The following MICU2 variants were observed in gnomAD, a reference collection of about 807,000 sequenced individuals.
MICU2 encodes mitochondrial calcium uptake 2.
MICU2 carries 64 observed loss-of-function variants against 60.4 expected under a neutral mutation model. The observed-to-expected ratio is 1.06, with a 90% CI of 0.87 to 1.31. The LOEUF (loss-of-function observed/expected upper bound fraction) is 1.31, where lower values mean the gene tolerates loss of function less well. Ranked by LOEUF, MICU2 falls within the 50% of genes most tolerant of loss-of-function variation. The pLI, the probability that MICU2 is intolerant of heterozygous loss-of-function variation, is 0.00. For missense variants in MICU2, 569 were observed against 531.0 expected, an observed-to-expected ratio of 1.07 and a Z score of -0.70; for synonymous variants, 201 against 175.0, an observed-to-expected ratio of 1.15 and a Z score of -1.17.
At chr13:21,592,476 T>G (rs1888604460) in intron 1 of MICU2, among the ~76,000 whole-genome samples, 1 of 148,708 alleles carries the variant, frequency 6.7e-6, no homozygotes, top group Non-Finnish European at 1.5e-5. Flanking sequence ...CTATTCCAAG[T>G]AACTGAAAAG....
chr13:21,558,322 C>T (rs1303136148), intron 2 of MICU2, among the ~76,000 whole-genome samples: 1 of 152,186 alleles, frequency 6.6e-6, no homozygotes, highest in Non-Finnish European at 1.5e-5. Flanking sequence ...TTAAGCTCCA[C>T]TAATTTGGGG....
At chr13:21,572,719 T>C (rs1393959669) in intron 1 of MICU2, among the ~76,000 whole-genome samples, 1 of 152,196 alleles carries the variant, frequency 6.6e-6, no homozygotes, top group Non-Finnish European at 1.5e-5. Flanking sequence ...TACTGTTGCA[T>C]GATTCAGCCT....
At chr13:21,588,218 C>T (rs1888501107) in intron 1 of MICU2, among the ~76,000 whole-genome samples, 1 of 152,136 alleles carries the variant, frequency 6.6e-6, no homozygotes, top group Admixed American at 6.5e-5. Context: ...CAAACTTTGG[C>T]AATTAAGACA....
chr13:21,601,915 C>T (rs1015329230), intron 1 of MICU2, among the ~76,000 whole-genome samples: 1 of 151,296 alleles, frequency 6.6e-6, no homozygotes, highest in Non-Finnish European at 1.5e-5. Flanking sequence ...ACCATCCTGG[C>T]CAACATGGTG....
chr13:21,604,087 C>T lies in MICU2; in HGVS notation c.62G>A (p.Gly21Glu). ...VAAWGGKLRR[G>E]LAVSRQAVRS... ...CACAGCCTGTCGGCTGACAGCGAGC[C>T]CCCGTCGCAGTTTTCCGCCCCAGGC... The change falls in exon 1 of 12, where the codon GGG becomes GAG. Residue 21 changes from glycine to glutamate, a missense_variant. Transcript: ENST00000382374. 6.3e-7 allele frequency: 1 copy of T among 1,596,210 alleles called. No individual in the cohort carries two copies. The highest frequency in any genetic ancestry group is 8.5e-7 in the Non-Finnish European group (1 of 1,173,040).
intron 4 of MICU2, among the ~76,000 whole-genome samples, chr13:21,532,001 C>G (rs1263810698): frequency 1.3e-5 from 2 of 152,162 alleles, no homozygotes; most frequent in East Asian, 1.9e-4. Context: ...TGACAACAAT[C>G]TAACAGGATT....
intron 6 of MICU2, among the ~76,000 whole-genome samples, chr13:21,519,120 G>A (rs944190277): frequency 2.0e-5 from 3 of 152,072 alleles, no homozygotes; most frequent in African/African-American, 4.8e-5. Context: ...GCGATGGCAC[G>A]ATCTCGGCTC....
chr13:21,549,807 C>G (rs1887508264), intron 2 of MICU2, among the ~76,000 whole-genome samples: 1 of 152,150 alleles, frequency 6.6e-6, no homozygotes, highest in South Asian at 2.1e-4. Flanking sequence ...GCTGAACAGA[C>G]TTACTTTAAC....
chr13:21,498,625 C>T (rs1316511253), intron 9 of MICU2, among the ~76,000 whole-genome samples: 8 of 151,760 alleles, frequency 5.3e-5, no homozygotes, highest in African/African-American at 9.7e-5. Context: ...GTGATTCACC[C>T]ACCTCAGCCT....
intron 6 of MICU2, among the ~76,000 whole-genome samples, chr13:21,514,945 T>C (rs1886530479): frequency 6.6e-6 from 1 of 152,290 alleles, no homozygotes; most frequent in South Asian, 2.1e-4. Context: ...AATCTTCTAC[T>C]AAGAAAGCTA....
chr13:21,575,445 G>A (rs945840290), intron 1 of MICU2, among the ~76,000 whole-genome samples: 7 of 149,496 alleles, frequency 4.7e-5, no homozygotes, highest in Non-Finnish European at 7.4e-5. Flanking sequence ...AGACTAGGCC[G>A]AGTAGGGTGG....
intron 1 of MICU2, among the ~76,000 whole-genome samples, chr13:21,590,577 G>C (rs895845304): frequency 6.6e-6 from 1 of 152,204 alleles, no homozygotes; most frequent in African/African-American, 2.4e-5. Flanking sequence ...AATGTTAAAA[G>C]GTTAGAAAAT....
intron 2 of MICU2, among the ~76,000 whole-genome samples, chr13:21,558,414 C>T (rs917836536): frequency 3.3e-5 from 5 of 152,164 alleles, no homozygotes; most frequent in African/African-American, 1.2e-4. Flanking sequence ...GTCTCTTTCC[C>T]TAGTTCTCTT....
At chr13:21,519,059 C>T (rs568303381) in intron 6 of MICU2, among the ~76,000 whole-genome samples, 5 of 152,116 alleles carry the variant, frequency 3.3e-5, no homozygotes, top group South Asian at 2.1e-4. Flanking sequence ...CTTAAGAGTT[C>T]GGTGTCTTTT....
chr13:21,501,648 C>T (rs970146922), intron 9 of MICU2, among the ~76,000 whole-genome samples: 1 of 152,164 alleles, frequency 6.6e-6, no homozygotes, highest in Non-Finnish European at 1.5e-5. Context: ...TTTCTGATTC[C>T]TGCACGTACG....
chr13:21,520,856 T>C (rs887070759), intron 6 of MICU2, among the ~76,000 whole-genome samples: 19 of 152,108 alleles, frequency 1.2e-4, no homozygotes, highest in African/African-American at 4.3e-4. Flanking sequence ...TCCAATTCTT[T>C]ATGAAGGCTT....
At chr13:21,529,159 A>G (rs1466010311) in intron 4 of MICU2, among the ~76,000 whole-genome samples, 1 of 152,182 alleles carries the variant, frequency 6.6e-6, no homozygotes, top group Non-Finnish European at 1.5e-5. Context: ...AATTCGATAA[A>G]TACTTAGGTA....
chr13:21,597,724 G>T (rs1172196798), intron 1 of MICU2, among the ~76,000 whole-genome samples: 1 of 152,034 alleles, frequency 6.6e-6, no homozygotes, highest in Non-Finnish European at 1.5e-5. Flanking sequence ...GAGGTCAGGA[G>T]ATTGAGACCA....
chr13:21,554,958 A>C (rs1318076733), intron 2 of MICU2, among the ~76,000 whole-genome samples: 1 of 152,220 alleles, frequency 6.6e-6, no homozygotes, highest in African/African-American at 2.4e-5. Context: ...TACTCTCCCA[A>C]GACTAAATCA....
Sources: gnomAD v4.1 joint callset for allele counts (sites outside exome capture counted in the v4.1 genomes callset) on GRCh38, gnomAD v4.1.1 for gene constraint, MANE v1.5 for transcripts, NCBI Gene and HGNC (gene_info 2026-07-23, HGNC 2026-07-21) for gene names.